The following FAM13A variants were observed in gnomAD, a reference collection of about 807,000 sequenced individuals.
FAM13A encodes protein FAM13A.
FAM13A carries 76 observed loss-of-function variants against 129.6 expected under a neutral mutation model. The ratio of observed to expected loss-of-function variants is 0.59; its 90% CI spans 0.49 to 0.71. FAM13A has a LOEUF of 0.71. Among genes scored for constraint, FAM13A ranks in the 30% least tolerant of loss-of-function variants. The pLI is 0.00. For synonymous variants in FAM13A, 443 were observed against 449.9 expected (o/e 0.98, Z 0.20); for missense variants, 1,108 against 1,249.3 (o/e 0.89, Z 1.70).
At chr4:89,054,754 C>T (rs900070622) in intron 1 of FAM13A, among the ~76,000 whole-genome samples, 1 of 152,170 alleles carries the variant, frequency 6.6e-6, no homozygotes, top group African/African-American at 2.4e-5. Flanking sequence ...ACTGACTTTT[C>T]ATCTATTCTT....
chr4:88,765,252 T>C (rs991643162), intron 13 of FAM13A, among the ~76,000 whole-genome samples: 2 of 152,236 alleles, frequency 1.3e-5, no homozygotes, highest in Admixed American at 6.5e-5. Flanking sequence ...TGCTATGTTA[T>C]CTTATGTGAA....
chr4:88,873,792 C>T (rs1741867842), intron 6 of FAM13A, among the ~76,000 whole-genome samples: 1 of 152,162 alleles, frequency 6.6e-6, no homozygotes, highest in Non-Finnish European at 1.5e-5. Context: ...TTTTATGAGG[C>T]CAGCATCATC....
intron 5 of FAM13A, among the ~76,000 whole-genome samples, chr4:88,910,839 G>A (rs545978310): frequency 3.9e-5 from 6 of 151,918 alleles, no homozygotes; most frequent in Admixed American, 1.3e-4. Context: ...TAGTAGAGAC[G>A]GGGTTTCACC....
chr4:89,012,530 T>G (rs1765868162), intron 3 of FAM13A, among the ~76,000 whole-genome samples: 1 of 152,218 alleles, frequency 6.6e-6, no homozygotes, highest in Admixed American at 6.5e-5. Flanking sequence ...GTATACTGAT[T>G]TGCTAACTAA....
At chr4:88,956,633 T>A (rs1757790413) in intron 4 of FAM13A, among the ~76,000 whole-genome samples, 1 of 152,190 alleles carries the variant, frequency 6.6e-6, no homozygotes, top group African/African-American at 2.4e-5. Flanking sequence ...ACATTTATTA[T>A]CTTGGAGTTC....
At chr4:88,817,723 C>G (rs1310759991) in intron 7 of FAM13A, among the ~76,000 whole-genome samples, 1 of 152,122 alleles carries the variant, frequency 6.6e-6, no homozygotes, top group Non-Finnish European at 1.5e-5. Flanking sequence ...TTGAGAGTTT[C>G]AAGAAATTTG....
At chr4:88,951,700 T>G (rs781591544) in intron 4 of FAM13A, among the ~76,000 whole-genome samples, 2 of 152,216 alleles carry the variant, frequency 1.3e-5, no homozygotes, top group Non-Finnish European at 2.9e-5. Flanking sequence ...CATCTTCCAA[T>G]GTTCAATTAA....
At position 88,786,783 on chromosome 4, in the gene FAM13A, AG is replaced by A. The variant is rs1427740088; in HGVS notation, c.1271+969del. ...TTATGTTTTTCTTTAAGCGAAAAAA[AG>A]TTTTTTTTCTTTTTCCATAAAGGGT... On this transcript the variant is annotated intron_variant, in intron 10 of 23. Coordinates refer to ENST00000264344, the MANE Select transcript of FAM13A (RefSeq NM_014883.4). Among the ~76,000 whole-genome samples the A allele has an allele frequency of 2.6e-5, 4 of 152,234 alleles. No homozygotes were observed. The South Asian group carries it at 8.3e-4, about 32-fold the overall frequency.
chr4:88,997,222 G>GT (rs758713620), intron 3 of FAM13A, among the ~76,000 whole-genome samples: 4 of 152,078 alleles, frequency 2.6e-5, no homozygotes, highest in South Asian at 4.1e-4. Context: ...GTTATAATTC[G>GT]TAAGTCCAAA....
chr4:88,838,912 T>C (rs923051945), intron 7 of FAM13A, among the ~76,000 whole-genome samples: 2 of 152,168 alleles, frequency 1.3e-5, no homozygotes, highest in Non-Finnish European at 2.9e-5. Flanking sequence ...TTAGTGAGAT[T>C]ACACTTACTT....
intron 7 of FAM13A, among the ~76,000 whole-genome samples, chr4:88,805,645 A>G (rs1728404843): frequency 6.6e-6 from 1 of 151,054 alleles, no homozygotes; most frequent in South Asian, 2.1e-4. Context: ...CACAGACAAA[A>G]TATGAAGCTT....
At position 88,727,471 on chromosome 4, in the gene FAM13A, A is replaced by G. The variant is rs975719420; in HGVS notation, c.*1062T>C. ...CATGATCTCGAAAATAGTGTGATTT[A>G]GATTCTGCCTTGGGCTGAGCTCTGA... On this transcript the variant is annotated 3_prime_UTR_variant, in exon 24 of 24. Coordinates refer to ENST00000264344, the MANE Select transcript of FAM13A (RefSeq NM_014883.4). 1.3e-5 allele frequency: 2 copies of G among 152,602 alleles called. No homozygotes were observed. The highest frequency in any genetic ancestry group is 4.8e-5 in the African/African-American group (2 of 41,430). 9.5% of individuals were successfully genotyped at this position (152,602 alleles called of 1,614,324 possible). A position where few individuals can be genotyped will look rare whatever the true frequency, so the allele number is the denominator to read the frequency against.
At chr4:88,970,858 G>A (rs776643655) in intron 4 of FAM13A, among the ~76,000 whole-genome samples, 75 of 152,072 alleles carry the variant, frequency 4.9e-4, no homozygotes, top group Admixed American at 1.2e-3. Flanking sequence ...TTAATGACTT[G>A]GAAATAATAA....
At chr4:88,873,713 C>G (rs1406041241) in intron 6 of FAM13A, among the ~76,000 whole-genome samples, 2 of 152,124 alleles carry the variant, frequency 1.3e-5, no homozygotes, top group South Asian at 4.1e-4. Flanking sequence ...TCCAGAGGTA[C>G]AAAGAGGAGC....
At chr4:88,783,191 A>G (rs1723286069) in intron 10 of FAM13A, among the ~76,000 whole-genome samples, 1 of 151,950 alleles carries the variant, frequency 6.6e-6, no homozygotes, top group Non-Finnish European at 1.5e-5. Flanking sequence ...TATTCTAATC[A>G]CCCTGTTGTC....
At chr4:88,870,158 G>C (rs1741109925) in intron 6 of FAM13A, among the ~76,000 whole-genome samples, 1 of 151,664 alleles carries the variant, frequency 6.6e-6, no homozygotes, top group Non-Finnish European at 1.5e-5. Context: ...GGCATTCTAA[G>C]AGTGAAAACA....
intron 5 of FAM13A, among the ~76,000 whole-genome samples, chr4:88,921,203 C>G (rs1178622645): frequency 6.6e-6 from 1 of 151,732 alleles, no homozygotes; most frequent in East Asian, 1.9e-4. Context: ...ACAGAGAACG[C>G]CACAAAGATA....
At chr4:88,921,125 C>T (rs1367167339) in intron 5 of FAM13A, among the ~76,000 whole-genome samples, 10 of 152,186 alleles carry the variant, frequency 6.6e-5, no homozygotes, top group South Asian at 2.1e-4. Flanking sequence ...GGAAACCACT[C>T]TGCAGGATAT....
At chr4:88,813,954 C>G (rs889323614) in intron 7 of FAM13A, among the ~76,000 whole-genome samples, 2 of 152,074 alleles carry the variant, frequency 1.3e-5, no homozygotes, top group Non-Finnish European at 2.9e-5. Context: ...AACACAATCC[C>G]AACTTTCACG....
Sources: gnomAD v4.1 joint callset for allele counts (sites outside exome capture counted in the v4.1 genomes callset) on GRCh38, gnomAD v4.1.1 for gene constraint, MANE v1.5 for transcripts, NCBI Gene and HGNC (gene_info 2026-07-23, HGNC 2026-07-21) for gene names.